NCMAP: variants seen among roughly 807,000 people sequenced by gnomAD.
NCMAP encodes the protein non-compact myelin associated protein.
A neutral mutation model predicts 7.8 loss-of-function variants in NCMAP; 8 were observed. That is an observed-to-expected ratio of 1.02 (90% CI 0.60 to 1.84). The LOEUF is 1.84. Among genes scored for constraint, NCMAP ranks in the 40% most tolerant of loss-of-function variants. NCMAP has a pLI of 0.00. For synonymous variants in NCMAP, 41 were observed against 52.9 expected, an observed-to-expected ratio of 0.78 and a Z score of 0.98; for missense variants, 112 against 131.4, an observed-to-expected ratio of 0.85 and a Z score of 0.72.
intron 1 of NCMAP, among the ~76,000 whole-genome samples, chr1:24,577,405 T>TTTTG (rs1557596522): frequency 1.7e-4 from 19 of 114,400 alleles, no homozygotes; most frequent in African/African-American, 7.0e-4. Context: ...GGCCTTGTTT[T>TTTTG]TTTTTTTTTT....
intron 1 of NCMAP, among the ~76,000 whole-genome samples, chr1:24,582,809 C>T (rs1453540657): frequency 2.7e-5 from 4 of 145,578 alleles, no homozygotes; most frequent in South Asian, 4.3e-4. Context: ...CAATAGGAAA[C>T]GTATAGATCC....
chr1:24,566,039 C>T (rs1241153081), intron 1 of NCMAP, among the ~76,000 whole-genome samples: 1 of 152,120 alleles, frequency 6.6e-6, no homozygotes, highest in Non-Finnish European at 1.5e-5. Context: ...GAAGAAGTTA[C>T]CTTGGTTCCC....
chr1:24,595,074 A>G (rs1652173591), intron 1 of NCMAP, among the ~76,000 whole-genome samples: 1 of 152,156 alleles, frequency 6.6e-6, no homozygotes. Context: ...TGTTAGGTCA[A>G]CTTGGGACTC....
At chr1:24,603,061 AAAAT>A (rs1652564116) in intron 3 of NCMAP, among the ~76,000 whole-genome samples, 1 of 151,976 alleles carries the variant, frequency 6.6e-6, no homozygotes, top group Admixed American at 6.6e-5. Context: ...AAAATAAAAT[AAAAT>A]AAATAAATAA....
At position 24,578,622 on chromosome 1, in the gene NCMAP, G is replaced by A. The variant is rs577925503; in HGVS notation, c.-7-16802G>A. ...CTGTCTCCCAGGCTGGAGTGCAGTGGTACAATCACAGCTCACTGCAGCCTC... is the reference window on the plus strand; with the variant it reads ...CTGTCTCCCAGGCTGGAGTGCAGTGATACAATCACAGCTCACTGCAGCCTC... On this transcript the variant is annotated intron_variant, in intron 1 of 3. Transcript: ENST00000374392. 2.7e-5 allele frequency among the ~76,000 whole-genome samples: 4 copies of A among 147,112 alleles called. No individual in the cohort carries two copies. The South Asian group carries it at 6.4e-4, about 24-fold the overall frequency.
intron 1 of NCMAP, among the ~76,000 whole-genome samples, chr1:24,564,533 CA>C (rs1237685346): frequency 3.6e-5 from 3 of 82,272 alleles, no homozygotes; most frequent in African/African-American, 1.1e-4. Flanking sequence ...AAAAAAAAAA[CA>C]AAAAAAAACC....
rs80307256 is a variant in NCMAP, at chr1:24,597,732, T to C, written c.82+2220T>C. Among the ~76,000 whole-genome samples, 372 of 151,762 alleles carry C rather than the reference T, an allele frequency of 2.5e-3. 4 individuals carry two copies. Among genetic ancestry groups the C allele is most frequent in the African/African-American group, 8.6e-3 (357 of 41,426 alleles). On this transcript the variant is annotated intron_variant, in intron 2 of 3. Coordinates refer to ENST00000374392, the MANE Select transcript of NCMAP (RefSeq NM_001010980.5). ...AGATTGGTTGGTTCTCAACTAGGTG[T>C]TTTTGCCCTGCTAGATAGGGTTACC...
At chr1:24,594,046 C>A (rs1652137442) in intron 1 of NCMAP, among the ~76,000 whole-genome samples, 1 of 145,672 alleles carries the variant, frequency 6.9e-6, no homozygotes, top group Non-Finnish European at 1.5e-5. Flanking sequence ...CACCCACCAC[C>A]ATGCCTGGCT....
chr1:24,603,211 T>C (rs1285003616), intron 3 of NCMAP, among the ~76,000 whole-genome samples: 1 of 141,700 alleles, frequency 7.1e-6, no homozygotes, highest in East Asian at 2.0e-4. Context: ...TTATCCTCAA[T>C]TTTGTAGGTA....
At chr1:24,557,527 G>C (rs1160305294) in intron 1 of NCMAP, among the ~76,000 whole-genome samples, 1 of 152,116 alleles carries the variant, frequency 6.6e-6, no homozygotes, top group African/African-American at 2.4e-5. Context: ...GGATAGAAGA[G>C]GGCACATAAT....
In NCMAP at chr1:24,564,457, T is replaced by C. The variant is rs373142696; in HGVS notation, c.-8+8288T>C. 1.6e-3 allele frequency among the ~76,000 whole-genome samples: 213 copies of C among 130,068 alleles called. 1 individual carries two copies. The highest frequency in any genetic ancestry group is 6.1e-3 in the African/African-American group (205 of 33,708). 85.3% of individuals were successfully genotyped at this position (130,068 alleles called of 152,430 possible). On this transcript the variant is annotated intron_variant, in intron 1 of 3. Coordinates refer to ENST00000374392, the MANE Select transcript of NCMAP (RefSeq NM_001010980.5). ...GAACCCGGGAGACTGGAGGTTGCAG[T>C]GACCTGAAATCACGCCACTGCACTC... is the stretch of plus-strand genomic sequence containing the variant.
intron 1 of NCMAP, chr1:24,563,929 G>A (rs866385636): frequency 6.6e-6 from 1 of 151,986 alleles, no homozygotes; most frequent in African/African-American, 2.4e-5. Flanking sequence ...GAACAGAAAA[G>A]GCCAAATACA....
chr1:24,600,980 C>G lies in NCMAP; in HGVS notation c.123C>G (p.Ile41Met). 1 of 1,614,158 alleles carries G rather than the reference C, an allele frequency of 6.2e-7. No individual in the cohort carries two copies. The highest frequency in any genetic ancestry group is 1.1e-5 in the South Asian group (1 of 91,078). Residue 41 changes from isoleucine (I) to methionine (M), a missense_variant, in exon 3 of 4, where the codon ATC becomes ATG. Ile to Met is a conservative substitution (Grantham distance 10). Coordinates refer to ENST00000374392, the MANE Select transcript of NCMAP (RefSeq NM_001010980.5). ...TTGCTGCCGTTGTGGTGGTTGTCAT[C>G]ATCATCTTCACCGTGGTTCTGATCC... ...AIVAAVVVVV[I>M]IIFTVVLILL...
At chr1:24,567,612 AG>A (rs936515655) in intron 1 of NCMAP, among the ~76,000 whole-genome samples, 108 of 152,298 alleles carry the variant, frequency 7.1e-4, no homozygotes, top group African/African-American at 2.5e-3. Flanking sequence ...GGAACTAGAG[AG>A]GAGTCGCAAA....
chr1:24,600,504 G>A (rs1013985913), intron 2 of NCMAP, among the ~76,000 whole-genome samples: 12 of 152,326 alleles, frequency 7.9e-5, no homozygotes, highest in African/African-American at 2.9e-4. Flanking sequence ...ATGTAGATAT[G>A]CAGACGATCA....
chr1:24,573,754 A>G (rs1651460358), intron 1 of NCMAP, among the ~76,000 whole-genome samples: 1 of 150,272 alleles, frequency 6.7e-6, no homozygotes, highest in East Asian at 1.9e-4. Flanking sequence ...CCTGGGCAAC[A>G]TAGTAAAACC....
chr1:24,584,237 CTG>C (rs1373246191), intron 1 of NCMAP, among the ~76,000 whole-genome samples: 1 of 152,206 alleles, frequency 6.6e-6, no homozygotes, highest in Admixed American at 6.5e-5. Context: ...AGCCCAGAGA[CTG>C]AGAGGTAGAC....
rs1344480829 is a variant in NCMAP at position 24,597,648 on chromosome 1, AAAG to A, written c.82+2139_82+2141del. On this transcript the variant is annotated intron_variant, in intron 2 of 3. Coordinates refer to ENST00000374392, the MANE Select transcript of NCMAP (RefSeq NM_001010980.5). ...GAAAGAAAGAAAGAAAGAAAGAAAG[AAAG>A]AAAGAAAGAAAGAAAGAAAGAAAAG... Among the ~76,000 whole-genome samples the A allele has an allele frequency of 1.5e-4, 20 of 133,634 alleles. 1 individual carries two copies. The highest frequency in any genetic ancestry group is 5.8e-4 in the African/African-American group (20 of 34,506). 87.7% of individuals were successfully genotyped at this position (133,634 alleles called of 152,430 possible).
rs973718687 is a variant in NCMAP at position 24,574,064 on chromosome 1, T to C, written c.-8+17895T>C. Among the ~76,000 whole-genome samples, 8 of 149,264 alleles carry C rather than the reference T, an allele frequency of 5.4e-5. 2 individuals are homozygous for C. The highest frequency in any genetic ancestry group is 1.8e-4 in the African/African-American group (7 of 39,198). ...AGCAGAACTCCAGGCCCCCTGGCCC[T>C]TGGACTCCAGGACCCACACAGCGGC... On this transcript the variant is annotated intron_variant, in intron 1 of 3. Coordinates refer to ENST00000374392, the MANE Select transcript of NCMAP (RefSeq NM_001010980.5).
Sources: gnomAD v4.1 joint callset for allele counts (sites outside exome capture counted in the v4.1 genomes callset) on GRCh38, gnomAD v4.1.1 for gene constraint, MANE v1.5 for transcripts, NCBI Gene and HGNC (gene_info 2026-07-23, HGNC 2026-07-21) for gene names.